SUPT3H: variants seen among roughly 807,000 people sequenced by gnomAD.
SUPT3H encodes the protein SPT3 homolog, SAGA and STAGA complex component, also known as transcription initiation protein SPT3 homolog.
A neutral mutation model predicts 44.3 loss-of-function variants in SUPT3H; 44 were observed. The ratio of observed to expected loss-of-function variants is 0.99; its 90% CI spans 0.78 to 1.28. SUPT3H has a LOEUF of 1.28. Ranked by LOEUF, SUPT3H falls within the 50% of genes most tolerant of loss-of-function variation. SUPT3H has a pLI of 0.00. For synonymous variants in SUPT3H, 124 were observed against 125.6 expected (o/e 0.99, Z 0.09); for missense variants, 380 against 387.1 (o/e 0.98, Z 0.15).
intron 9 of SUPT3H, among the ~76,000 whole-genome samples, chr6:44,946,134 T>C (rs1773304066): frequency 6.6e-6 from 1 of 152,194 alleles, no homozygotes; most frequent in South Asian, 2.1e-4. Context: ...ACTGAATATT[T>C]TAATTCCAGT....
chr6:45,229,357 GT>G (rs928642047), intron 2 of SUPT3H, among the ~76,000 whole-genome samples: 17 of 151,948 alleles, frequency 1.1e-4, no homozygotes, highest in African/African-American at 3.1e-4. Context: ...TACTGAGAGA[GT>G]TTTCTTTTGC....
intron 10 of SUPT3H, among the ~76,000 whole-genome samples, chr6:44,888,438 C>T (rs1429230000): frequency 1.3e-5 from 2 of 152,144 alleles, no homozygotes; most frequent in African/African-American, 4.8e-5. Flanking sequence ...GGCTTCATCC[C>T]TGGGATGCAA....
chr6:45,253,789 AAAAT>A (rs1437486857), intron 2 of SUPT3H, among the ~76,000 whole-genome samples: 1 of 149,622 alleles, frequency 6.7e-6, no homozygotes, highest in Non-Finnish European at 1.5e-5. Context: ...CCCTGTCTCT[AAAAT>A]AAATAAATAA....
chr6:45,231,687 G>A (rs979418149), intron 2 of SUPT3H, among the ~76,000 whole-genome samples: 6 of 152,076 alleles, frequency 3.9e-5, no homozygotes, highest in Admixed American at 6.6e-5. Context: ...ATAAGTTTCC[G>A]AACCCCTTCA....
chr6:45,200,089 T>C (rs1762242912), intron 2 of SUPT3H, among the ~76,000 whole-genome samples: 1 of 151,460 alleles, frequency 6.6e-6, no homozygotes, highest in South Asian at 2.1e-4. Context: ...ATAAAAATCT[T>C]CTGTGCAATA....
At chr6:45,329,447 T>C (rs1406063259) in intron 2 of SUPT3H, among the ~76,000 whole-genome samples, 1 of 151,980 alleles carries the variant, frequency 6.6e-6, no homozygotes, top group South Asian at 2.1e-4. Context: ...TTGCCCAGGA[T>C]ATTAAAAAGT....
chr6:45,050,073 A>T lies in SUPT3H; in HGVS notation c.187-29441T>A, dbSNP rs544272036. ...AAAACAGAGCTCCTTTAATTCAAGT[A>T]CTCCAAGTATGGCAAGTCTAGGATT... On this transcript the variant is annotated intron_variant, in intron 3 of 10. Coordinates refer to ENST00000371459, the MANE Select transcript of SUPT3H (RefSeq NM_003599.4). Among the ~76,000 whole-genome samples, 288 of 152,208 alleles carry T rather than the reference A, an allele frequency of 1.9e-3. 1 individual carries two copies. The highest frequency in any genetic ancestry group is 6.4e-3 in the African/African-American group (265 of 41,528).
intron 2 of SUPT3H, among the ~76,000 whole-genome samples, chr6:45,339,249 G>T (rs2150124697): frequency 6.6e-6 from 1 of 152,180 alleles, no homozygotes; most frequent in South Asian, 2.1e-4. Flanking sequence ...TCCAAATCTG[G>T]CTGATCAACA....
At chr6:45,192,752 G>A (rs953394707) in intron 2 of SUPT3H, among the ~76,000 whole-genome samples, 2 of 152,058 alleles carry the variant, frequency 1.3e-5, no homozygotes, top group African/African-American at 4.8e-5. Flanking sequence ...ATAACTCATT[G>A]ATTATGACTC....
intron 2 of SUPT3H, among the ~76,000 whole-genome samples, chr6:45,240,627 C>G (rs1017777831): frequency 1.3e-5 from 2 of 152,236 alleles, no homozygotes; most frequent in Admixed American, 1.3e-4. Flanking sequence ...CCTATGGAAT[C>G]ATTGATTGGT....
intron 3 of SUPT3H, among the ~76,000 whole-genome samples, chr6:45,042,672 T>C (rs1017968075): frequency 5.3e-5 from 8 of 152,170 alleles, no homozygotes; most frequent in African/African-American, 1.9e-4. Flanking sequence ...AGTTAACCAT[T>C]GTGGAAGTCA....
At chr6:44,876,771 A>G (rs1022320159) in intron 10 of SUPT3H, among the ~76,000 whole-genome samples, 4 of 151,760 alleles carry the variant, frequency 2.6e-5, no homozygotes, top group African/African-American at 9.6e-5. Flanking sequence ...TGAAAACACA[A>G]AAGCAAAACT....
intron 2 of SUPT3H, among the ~76,000 whole-genome samples, chr6:45,255,451 G>A (rs148168679): frequency 6.0e-5 from 7 of 115,810 alleles, no homozygotes; most frequent in South Asian, 2.7e-4. Context: ...TCAGGTTCTC[G>A]CTCTCTCTCA....
chr6:45,158,300 T>TATATATATATATATATATA (rs1562573429), intron 2 of SUPT3H, among the ~76,000 whole-genome samples: 1 of 63,720 alleles, frequency 1.6e-5, no homozygotes, highest in African/African-American at 6.4e-5. Context: ...ATATATATAT[T>TATATATATATATATATATA]TTTTTTTTTT....
intron 2 of SUPT3H, among the ~76,000 whole-genome samples, chr6:45,202,552 G>A (rs770367672): frequency 6.6e-6 from 1 of 151,952 alleles, no homozygotes; most frequent in Non-Finnish European, 1.5e-5. Context: ...TTTGTATAAC[G>A]TAGTCAAATA....
chr6:45,174,333 C>T (rs1811323687), intron 2 of SUPT3H, among the ~76,000 whole-genome samples: 1 of 152,148 alleles, frequency 6.6e-6, no homozygotes, highest in Admixed American at 6.5e-5. Flanking sequence ...AGTGTATCGC[C>T]TTTCTCTAAA....
At chr6:45,168,241 C>T (rs1018610252) in intron 2 of SUPT3H, among the ~76,000 whole-genome samples, 3 of 152,168 alleles carry the variant, frequency 2.0e-5, no homozygotes, top group Non-Finnish European at 4.4e-5. Flanking sequence ...AGGAATCTCA[C>T]AATTTATGCT....
In SUPT3H at chr6:45,050,797, G is replaced by A. The variant is rs537947770; in HGVS notation, c.187-30165C>T. 1.5e-4 allele frequency among the ~76,000 whole-genome samples: 23 copies of A among 150,842 alleles called. No individual in the cohort carries two copies. The South Asian group carries it at 1.7e-3, about 11-fold the overall frequency. On this transcript the variant is annotated intron_variant, in intron 3 of 10. Coordinates refer to ENST00000371459, the MANE Select transcript of SUPT3H (RefSeq NM_003599.4). The stretch of plus-strand genomic sequence containing the variant: ...TTTATATATTGGCTAATTATTCTCC[G>A]AATAATCTAGTAAAGAGTAGAAATG...
chr6:44,878,743 C>G (rs1777709342), intron 10 of SUPT3H, among the ~76,000 whole-genome samples: 1 of 151,934 alleles, frequency 6.6e-6, no homozygotes, highest in South Asian at 2.1e-4. Context: ...CTCATTGGGA[C>G]TGGTTAGACA....
Sources: gnomAD v4.1 joint callset for allele counts (sites outside exome capture counted in the v4.1 genomes callset) on GRCh38, gnomAD v4.1.1 for gene constraint, MANE v1.5 for transcripts, NCBI Gene and HGNC (gene_info 2026-07-23, HGNC 2026-07-21) for gene names.